Variants in MYL4 observed in about 807,000 individuals in gnomAD.
MYL4 encodes the protein atrial myosin light chain 1.
A neutral mutation model predicts 21.6 loss-of-function variants in MYL4; 16 were observed. The observed-to-expected ratio is 0.74, with a 90% CI of 0.50 to 1.12. MYL4 has a LOEUF of 1.12. MYL4 is among the 50% of genes most tolerant of loss of function. The pLI is 0.00. For synonymous variants in MYL4, 82 were observed against 95.7 expected (o/e 0.86, Z 0.83); for missense variants, 249 against 252.9 (o/e 0.98, Z 0.11).
chr17:47,211,415 C>T (rs1032029810), intron 1 of MYL4, among the ~76,000 whole-genome samples: 1 of 151,986 alleles, frequency 6.6e-6, no homozygotes, highest in Admixed American at 6.6e-5. Context: ...AAAAAAGATT[C>T]GAAGATAGAA....
At position 47,216,344 on chromosome 17, in the gene MYL4, C is replaced by T. The variant is rs532119707; in HGVS notation, c.163+2518C>T. ...TTTTTCTAGTTGTAGTCCTAAACTTCAGTGTTTGATTTTTTTATGTGCATA... is the reference window on the plus strand; with the variant it reads ...TTTTTCTAGTTGTAGTCCTAAACTTTAGTGTTTGATTTTTTTATGTGCATA... On this transcript the variant is annotated intron_variant, in intron 2 of 6. Coordinates refer to ENST00000393450, the MANE Select transcript of MYL4 (RefSeq NM_002476.2). 5.5e-5 allele frequency among the ~76,000 whole-genome samples: 8 copies of T among 144,476 alleles called. No homozygotes were observed. The East Asian group carries it at 1.3e-3, about 23-fold the overall frequency. 94.8% of individuals were successfully genotyped at this position (144,476 alleles called of 152,430 possible).
chr17:47,209,331 A>G, upstream of MYL4: 1 of 1,559,442 alleles, frequency 6.4e-7, no homozygotes, highest in Non-Finnish European at 8.8e-7. Flanking sequence ...AAGGGAAGGG[A>G]GGCAGCCCAG....
chr17:47,195,872 T>A (rs914891943), upstream of MYL4, among the ~76,000 whole-genome samples: 2 of 152,246 alleles, frequency 1.3e-5, no homozygotes, highest in Non-Finnish European at 2.9e-5. Flanking sequence ...ATTGTCTACT[T>A]CTGGTCTAGT....
At chr17:47,199,644 T>C (rs1176676284), upstream of MYL4, among the ~76,000 whole-genome samples, 1 of 147,212 alleles carries the variant, frequency 6.8e-6, no homozygotes, top group Non-Finnish European at 1.5e-5. Flanking sequence ...AATGTGTACC[T>C]GTAATCCCAG....
chr17:47,226,856 TTC>T (rs1294016847), downstream of MYL4, among the ~76,000 whole-genome samples: 3 of 152,168 alleles, frequency 2.0e-5, no homozygotes, highest in African/African-American at 7.2e-5. Context: ...TTATTTTCTT[TTC>T]TCTCTCTTTT....
upstream of MYL4, among the ~76,000 whole-genome samples, chr17:47,197,092 GTTTTTTTTTTT>G (rs71365051): frequency 2.3e-4 from 26 of 113,328 alleles, no homozygotes; most frequent in Middle Eastern, 5.0e-3. Context: ...TCCTTAAAGG[GTTTTTTTTTTT>G]TTTTTTTTTT....
intron 6 of MYL4, 110 bp from the exon 7 acceptor site, chr17:47,223,399 C>G (rs2064871290): frequency 3.9e-6 from 1 of 259,578 alleles, no homozygotes; most frequent in Non-Finnish European, 7.3e-6. Flanking sequence ...GCTCTTGACC[C>G]CGTTCTTCCT....
chr17:47,190,290 G>GA, the MYL4 span, among the ~76,000 whole-genome samples: 1 of 151,650 alleles, frequency 6.6e-6, no homozygotes, highest in Admixed American at 6.6e-5. Flanking sequence ...CGCTTAGTTT[G>GA]AAAAAAAAGG....
intron 2 of MYL4, 123 bp from the exon 3 acceptor site, chr17:47,219,781 C>T (rs991589974): frequency 1.6e-5 from 20 of 1,245,198 alleles, no homozygotes; most frequent in East Asian, 2.4e-5. Flanking sequence ...ATGGACAAAG[C>T]GAAATATTGG....
intron 1 of MYL4, among the ~76,000 whole-genome samples, chr17:47,210,967 G>T (rs2064769948): frequency 6.6e-6 from 1 of 151,972 alleles, no homozygotes; most frequent in South Asian, 2.1e-4. Flanking sequence ...CCTTTGGGTG[G>T]GTTGCCAGGC....
At chr17:47,209,272 T>G (rs910576469), upstream of MYL4, 14 of 948,530 alleles carry the variant, frequency 1.5e-5, no homozygotes, top group Non-Finnish European at 2.1e-5. Context: ...CAGCAGCAGT[T>G]GCTCTTGCTT....
intron 2 of MYL4, among the ~76,000 whole-genome samples, chr17:47,216,644 C>G (rs962516481): frequency 1.3e-5 from 2 of 151,616 alleles, no homozygotes; most frequent in East Asian, 3.8e-4. Flanking sequence ...TTACCTTCCT[C>G]TTCAGGTTTC....
chr17:47,203,734 T>G (rs2064717406), intron 1 of MYL4, among the ~76,000 whole-genome samples: 1 of 152,208 alleles, frequency 6.6e-6, no homozygotes, highest in Non-Finnish European at 1.5e-5. Flanking sequence ...TCTTGTTATT[T>G]TGTCCTTGGC....
chr17:47,221,692 C>G lies in MYL4; in HGVS notation c.324C>G (p.Val108=). The change falls in exon 4 of 7, where the codon GTC becomes GTG. Residue 108 remains valine (V), a synonymous_variant. Coordinates refer to ENST00000393450, the MANE Select transcript of MYL4 (RefSeq NM_002476.2). ...CCTGCCTGCCTGAAGAGATGAATGT[C>G]AAGATGCTGGACTTTGAGACGTTCT... ...LGKPKPEEMN[V]KMLDFETFLP... is the part of the protein sequence containing the mutation. The G allele has an allele frequency of 1.2e-6, 2 of 1,613,072 alleles. No homozygotes were observed. Among genetic ancestry groups the G allele is most frequent in the South Asian group, 1.1e-5 (1 of 90,938 alleles).
chr17:47,194,610 A>G, the MYL4 span, among the ~76,000 whole-genome samples: 1 of 151,738 alleles, frequency 6.6e-6, no homozygotes, highest in Non-Finnish European at 1.5e-5. Context: ...TATCTTATCT[A>G]CCTCCAAAAA....
At chr17:47,194,336 C>G in the MYL4 span, among the ~76,000 whole-genome samples, 1 of 152,214 alleles carries the variant, frequency 6.6e-6, no homozygotes, top group African/African-American at 2.4e-5. Flanking sequence ...AGCTCTGTCT[C>G]TGGTGATAAG....
At chr17:47,200,254 A>G (rs1347768021), upstream of MYL4, among the ~76,000 whole-genome samples, 1 of 151,650 alleles carries the variant, frequency 6.6e-6, no homozygotes, top group Non-Finnish European at 1.5e-5. Flanking sequence ...CTGAGAAGAA[A>G]GAATAATCTT....
rs770170911 is a variant in MYL4, at chr17:47,219,891, C to G, written c.164-13C>G. On this transcript the variant is annotated splice_polypyrimidine_tract_variant and intron_variant, in intron 2 of 6. Transcript: ENST00000393450. ...TGGGGATTGGAAGGTATAGCTGGGT[C>G]TTCTCTCCACAGAGTTCAAAGAGGC... is the stretch of plus-strand genomic sequence containing the variant. The G allele has an allele frequency of 3.1e-6, 5 of 1,614,118 alleles. No individual in the cohort carries two copies. Among genetic ancestry groups the G allele is most frequent in the Non-Finnish European group, 4.2e-6 (5 of 1,180,042 alleles).
At chr17:47,222,235 A>C (rs905278294) in intron 4 of MYL4, 145 bp from the exon 5 acceptor site, 10 of 803,396 alleles carry the variant, frequency 1.2e-5, no homozygotes, top group Middle Eastern at 2.2e-4. Context: ...CGCACCCTTC[A>C]GAACCTCTGG....
Sources: gnomAD v4.1 joint callset for allele counts (sites outside exome capture counted in the v4.1 genomes callset) on GRCh38, gnomAD v4.1.1 for gene constraint, MANE v1.5 for transcripts, NCBI Gene and HGNC (gene_info 2026-07-23, HGNC 2026-07-21) for gene names.